Variants in SLC25A26 observed in about 807,000 individuals in gnomAD.
The protein encoded by SLC25A26 is mitochondrial S-adenosylmethionine carrier protein.
A neutral mutation model predicts 37.8 loss-of-function variants in SLC25A26; 36 were observed. The ratio of observed to expected loss-of-function variants is 0.95; its 90% CI spans 0.73 to 1.26. The LOEUF (loss-of-function observed/expected upper bound fraction) is 1.26. Among genes scored for constraint, SLC25A26 ranks in the 50% most tolerant of loss-of-function variants. SLC25A26 has a pLI of 0.00. For synonymous variants in SLC25A26, 129 were observed against 122.5 expected (o/e 1.05, Z -0.35); for missense variants, 390 against 331.1 (o/e 1.18, Z -1.38).
At chr3:66,334,162 C>G (rs976920205) in intron 5 of SLC25A26, among the ~76,000 whole-genome samples, 1 of 152,136 alleles carries the variant, frequency 6.6e-6, no homozygotes, top group Non-Finnish European at 1.5e-5. Context: ...TTGCTTCTTT[C>G]TCTCTGAGAA....
chr3:66,326,889 C>T (rs2075852403), intron 5 of SLC25A26, among the ~76,000 whole-genome samples: 1 of 152,180 alleles, frequency 6.6e-6, no homozygotes. Context: ...TGGTCCTCTC[C>T]ACACCTACTT....
At chr3:66,214,179 A>G (rs1466702019) in intron 1 of SLC25A26, among the ~76,000 whole-genome samples, 1 of 152,050 alleles carries the variant, frequency 6.6e-6, no homozygotes, top group Non-Finnish European at 1.5e-5. Context: ...TCTCCACAGT[A>G]ATGAGTTCAC....
chr3:66,322,148 T>G (rs2075712091), intron 5 of SLC25A26, among the ~76,000 whole-genome samples: 1 of 152,172 alleles, frequency 6.6e-6, no homozygotes, highest in African/African-American at 2.4e-5. Context: ...AAATGAACTT[T>G]GAAGATGAGT....
chr3:66,171,041 G>C (rs1015254462), intron 1 of SLC25A26, among the ~76,000 whole-genome samples: 2 of 151,610 alleles, frequency 1.3e-5, no homozygotes, highest in African/African-American at 4.8e-5. Context: ...CTGACCTCGT[G>C]ATCCGCCCGC....
chr3:66,150,979 G>T (rs1576597587), intron 1 of SLC25A26, among the ~76,000 whole-genome samples: 2 of 152,038 alleles, frequency 1.3e-5, no homozygotes, highest in Admixed American at 6.6e-5. Flanking sequence ...GCCTAGCACT[G>T]TGCTATGTAC....
rs190898218 is a variant in SLC25A26, at chr3:66,240,689, A to T, written c.191-2514A>T. On this transcript the variant is annotated intron_variant, in intron 2 of 9. Coordinates refer to ENST00000354883, the MANE Select transcript of SLC25A26 (RefSeq NM_001379210.1). ...TATATTTTATGTTAGTAAATGATAAAATAGGCTAGTATCTAAATATATTTT... is the reference window on the plus strand; with the variant it reads ...TATATTTTATGTTAGTAAATGATAATATAGGCTAGTATCTAAATATATTTT... 3.5e-3 allele frequency among the ~76,000 whole-genome samples: 539 copies of T among 152,130 alleles called. 6 individuals carry two copies. The highest frequency in any genetic ancestry group is 0.012 in the African/African-American group (515 of 41,512).
At chr3:66,314,404 G>A (rs941688849) in intron 5 of SLC25A26, among the ~76,000 whole-genome samples, 7 of 152,080 alleles carry the variant, frequency 4.6e-5, no homozygotes, top group Admixed American at 4.6e-4. Flanking sequence ...ATCTGTTTAT[G>A]TGATGAATTA....
intron 1 of SLC25A26, among the ~76,000 whole-genome samples, chr3:66,229,549 G>A (rs1372305349): frequency 6.6e-6 from 1 of 152,110 alleles, no homozygotes; most frequent in Non-Finnish European, 1.5e-5. Flanking sequence ...GTGTCCTGCC[G>A]CCCTGTGAAG....
At chr3:66,363,973 A>G (rs1269624668) in intron 7 of SLC25A26, among the ~76,000 whole-genome samples, 1 of 151,656 alleles carries the variant, frequency 6.6e-6, no homozygotes, top group Non-Finnish European at 1.5e-5. Context: ...GTCTTGATTC[A>G]TTTTCCAGAG....
intron 9 of SLC25A26, among the ~76,000 whole-genome samples, chr3:66,371,692 G>A (rs372278349): frequency 4.6e-5 from 7 of 152,154 alleles, no homozygotes; most frequent in South Asian, 2.1e-4. Context: ...CTGCCATATC[G>A]TGAGGGGTGC....
At chr3:66,295,155 G>A (rs778502003) in intron 5 of SLC25A26, among the ~76,000 whole-genome samples, 208 of 152,180 alleles carry the variant, frequency 1.4e-3, no homozygotes, top group Admixed American at 7.4e-3. Context: ...CATGTTTTGA[G>A]GCATCTTGAG....
chr3:66,145,001 C>G (rs1559549470), intron 1 of SLC25A26, among the ~76,000 whole-genome samples: 1 of 152,074 alleles, frequency 6.6e-6, no homozygotes, highest in Non-Finnish European at 1.5e-5. Flanking sequence ...TTTTTCAGAG[C>G]CACGAGGGAG....
intron 1 of SLC25A26, among the ~76,000 whole-genome samples, chr3:66,182,822 C>T (rs974775426): frequency 6.6e-6 from 1 of 151,878 alleles, no homozygotes; most frequent in Non-Finnish European, 1.5e-5. Context: ...AGGCTGGGAC[C>T]AACCCCAGGT....
chr3:66,138,207 TATA>T (rs2069976768), intron 1 of SLC25A26, among the ~76,000 whole-genome samples: 2 of 152,168 alleles, frequency 1.3e-5, no homozygotes, highest in African/African-American at 4.8e-5. Flanking sequence ...CATGGGCATT[TATA>T]ATGTTTTATT....
chr3:66,192,429 C>T (rs2070963932), intron 1 of SLC25A26, among the ~76,000 whole-genome samples: 2 of 151,668 alleles, frequency 1.3e-5, no homozygotes, highest in African/African-American at 4.8e-5. Flanking sequence ...AGAGGGCTTT[C>T]TCCAGATACG....
intron 5 of SLC25A26, among the ~76,000 whole-genome samples, chr3:66,301,081 C>CA (rs753210030): frequency 3.0e-4 from 46 of 151,922 alleles, no homozygotes; most frequent in Non-Finnish European, 5.3e-4. Context: ...ATTGTGTCCT[C>CA]AAATAATTGG....
At chr3:66,172,268 A>G (rs1377410992) in intron 1 of SLC25A26, among the ~76,000 whole-genome samples, 1 of 152,010 alleles carries the variant, frequency 6.6e-6, no homozygotes, top group Non-Finnish European at 1.5e-5. Flanking sequence ...AAAATTAGCC[A>G]GGTATGGTGT....
intron 7 of SLC25A26, among the ~76,000 whole-genome samples, chr3:66,363,518 C>T (rs2076760475): frequency 6.6e-6 from 1 of 152,302 alleles, no homozygotes; most frequent in South Asian, 2.1e-4. Context: ...ATCACTAAGT[C>T]ATATGAATTT....
intron 1 of SLC25A26, among the ~76,000 whole-genome samples, chr3:66,176,230 G>A (rs543701272): frequency 6.6e-6 from 1 of 152,238 alleles, no homozygotes; most frequent in South Asian, 2.1e-4. Flanking sequence ...TAATTGTTTT[G>A]AAAAGCCATC....
Sources: allele counts gnomAD v4.1 joint callset (sites outside exome capture counted in the v4.1 genomes callset), GRCh38; gene constraint gnomAD v4.1.1; transcripts MANE v1.5; gene names NCBI Gene and HGNC (gene_info 2026-07-23, HGNC 2026-07-21).